The following PACRG variants were observed in gnomAD, a reference collection of about 807,000 sequenced individuals.
PACRG encodes parkin coregulated.
Under a neutral mutation model 29.7 loss-of-function variants are expected in PACRG, and 29 were observed. The ratio of observed to expected loss-of-function variants is 0.98; its 90% CI spans 0.73 to 1.33. The LOEUF is 1.33. Ranked by LOEUF, PACRG falls within the 40% of genes most tolerant of loss-of-function variation. The probability of loss-of-function intolerance (pLI) is 0.00; values close to 1 mark genes in which losing one functional copy is unlikely to be tolerated. For synonymous variants in PACRG, 116 were observed against 118.7 expected, an observed-to-expected ratio of 0.98 and a Z score of 0.15; for missense variants, 279 against 316.2, an observed-to-expected ratio of 0.88 and a Z score of 0.89.
intron 4 of PACRG, among the ~76,000 whole-genome samples, chr6:163,183,720 C>T (rs1779779172): frequency 6.6e-6 from 1 of 152,150 alleles, no homozygotes; most frequent in African/African-American, 2.4e-5. Context: ...GTAAAACTTT[C>T]ACTACAAGAA....
intron 1 of PACRG, among the ~76,000 whole-genome samples, chr6:162,773,739 TCTC>T (rs1308905607): frequency 6.6e-6 from 1 of 151,908 alleles, no homozygotes; most frequent in Non-Finnish European, 1.5e-5. Context: ...ATGGTCTCGA[TCTC>T]CTGACCTCAT....
intron 4 of PACRG, among the ~76,000 whole-genome samples, chr6:163,304,860 C>T (rs543062686): frequency 2.0e-5 from 3 of 152,128 alleles, no homozygotes; most frequent in African/African-American, 4.8e-5. Context: ...GGTTTTGAAT[C>T]GGATCCATTA....
chr6:162,927,255 G>C (rs1017786931), intron 2 of PACRG, among the ~76,000 whole-genome samples: 28 of 152,034 alleles, frequency 1.8e-4, no homozygotes, highest in Non-Finnish European at 1.5e-5. Flanking sequence ...TTTTCCTCAA[G>C]GACCTAGAAC....
intron 4 of PACRG, among the ~76,000 whole-genome samples, chr6:163,103,359 T>C (rs947678560): frequency 5.3e-5 from 8 of 152,160 alleles, no homozygotes; most frequent in Non-Finnish European, 1.2e-4. Flanking sequence ...GACCATCTCA[T>C]CTTCAAAGCC....
intron 4 of PACRG, among the ~76,000 whole-genome samples, chr6:163,224,368 CAAAAAAAA>C (rs531356479): frequency 1.9e-4 from 9 of 47,270 alleles, no homozygotes; most frequent in South Asian, 1.5e-3. Context: ...GACTCCATCT[CAAAAAAAA>C]AAAAAAAAAA....
chr6:163,114,599 A>G (rs116956349), intron 4 of PACRG, among the ~76,000 whole-genome samples: 1,975 of 152,320 alleles, frequency 0.013, 88 homozygotes, highest in Admixed American at 0.085. Flanking sequence ...AATAAGCCAG[A>G]CACAGAAAGA....
At chr6:162,887,400 G>A (rs112457703) in intron 2 of PACRG, among the ~76,000 whole-genome samples, 5 of 152,292 alleles carry the variant, frequency 3.3e-5, no homozygotes, top group African/African-American at 1.2e-4. Context: ...GACTTCCAAT[G>A]TATTCTCTGG....
chr6:163,226,151 A>G (rs1781785943), intron 4 of PACRG, among the ~76,000 whole-genome samples: 1 of 152,242 alleles, frequency 6.6e-6, no homozygotes, highest in African/African-American at 2.4e-5. Flanking sequence ...TGTGGAATCT[A>G]AAGTCAAATT....
At chr6:163,241,952 G>A (rs991924705) in intron 4 of PACRG, among the ~76,000 whole-genome samples, 2 of 152,294 alleles carry the variant, frequency 1.3e-5, no homozygotes. Context: ...AGGGGGAGAC[G>A]TGAGGGTGGG....
At chr6:163,120,178 G>T (rs930880060) in intron 4 of PACRG, among the ~76,000 whole-genome samples, 1 of 152,160 alleles carries the variant, frequency 6.6e-6, no homozygotes, top group South Asian at 2.1e-4. Context: ...AAGAGGGAAA[G>T]CTATAGTGGG....
chr6:162,808,393 A>G (rs1203486458), intron 1 of PACRG, among the ~76,000 whole-genome samples: 1 of 152,252 alleles, frequency 6.6e-6, no homozygotes, highest in Non-Finnish European at 1.5e-5. Flanking sequence ...GCCAATTAGA[A>G]TAACACAATG....
intron 4 of PACRG, among the ~76,000 whole-genome samples, chr6:163,203,932 G>C (rs58683891): frequency 6.6e-6 from 1 of 152,224 alleles, no homozygotes; most frequent in Non-Finnish European, 1.5e-5. Context: ...TTTCATACCT[G>C]AGTGAGGTGT....
rs1416766412 is a variant in PACRG at position 162,777,646 on chromosome 6, A to G, written c.157-36501A>G. On this transcript the variant is annotated intron_variant, in intron 1 of 4. Transcript: ENST00000366888. This position sits in a 1 kb window ranked among gnomAD's most constrained non-coding sequence, Gnocchi z 4.0. ...CTCCTTTGAGTTTTGGGATTTTTTTAATTTGGTGCCTGTGATTTCATAAGG... is the reference window on the plus strand; with the variant it reads ...CTCCTTTGAGTTTTGGGATTTTTTTGATTTGGTGCCTGTGATTTCATAAGG... 6.6e-6 allele frequency among the ~76,000 whole-genome samples: 1 copy of G among 152,108 alleles called. No homozygotes were observed. The highest frequency in any genetic ancestry group is 1.5e-5 in the Non-Finnish European group (1 of 68,022).
chr6:162,981,305 A>ATATATATT (rs925663285), intron 2 of PACRG, among the ~76,000 whole-genome samples: 3 of 149,132 alleles, frequency 2.0e-5, no homozygotes, highest in East Asian at 1.9e-4. Context: ...ATATATATAT[A>ATATATATT]TTTACAATGG....
At chr6:163,266,347 T>A (rs1379700381) in intron 4 of PACRG, among the ~76,000 whole-genome samples, 5 of 152,176 alleles carry the variant, frequency 3.3e-5, no homozygotes, top group African/African-American at 1.2e-4. Context: ...AGGAATTTAA[T>A]GAAATAGAGG....
chr6:163,019,451 C>G (rs567974458), intron 2 of PACRG, among the ~76,000 whole-genome samples: 6 of 152,230 alleles, frequency 3.9e-5, no homozygotes, highest in African/African-American at 1.4e-4. Flanking sequence ...GATTTTATCC[C>G]TTTGCTTTCC....
intron 2 of PACRG, among the ~76,000 whole-genome samples, chr6:162,995,512 G>A (rs971783706): frequency 6.6e-6 from 1 of 152,142 alleles, no homozygotes; most frequent in Admixed American, 6.5e-5. Context: ...TTCCAGGTGC[G>A]TCCGTCACCC....
chr6:163,037,052 G>A (rs184634799), intron 2 of PACRG, among the ~76,000 whole-genome samples: 20 of 152,320 alleles, frequency 1.3e-4, no homozygotes, highest in Admixed American at 9.8e-4. Context: ...GTGTACATGT[G>A]CCTATATGTG....
At chr6:163,112,011 AT>A (rs1815740937) in intron 4 of PACRG, 1 of 935,672 alleles carries the variant, frequency 1.1e-6, no homozygotes, top group East Asian at 1.2e-4. Flanking sequence ...TTTTCACTTG[AT>A]TTGCTTTATT....
Sources: gnomAD v4.1 joint callset for allele counts (sites outside exome capture counted in the v4.1 genomes callset) on GRCh38, gnomAD v4.1.1 for gene constraint, Gnocchi (gnomAD v3.1) non-coding constraint, MANE v1.5 for transcripts, NCBI Gene and HGNC (gene_info 2026-07-23, HGNC 2026-07-21) for gene names.